Variants in KCNIP4 observed in about 807,000 individuals in gnomAD.
KCNIP4 encodes Kv channel-interacting protein 4.
In KCNIP4, 12 loss-of-function variants were observed where a neutral mutation model predicts 34.0. That is an observed-to-expected ratio of 0.35 (90% confidence interval 0.23 to 0.57). KCNIP4 has a LOEUF of 0.57. KCNIP4 is among the 20% of genes least tolerant of loss of function. The pLI is 0.83. For missense variants in KCNIP4, 238 were observed against 311.7 expected, an observed-to-expected ratio of 0.76 and a Z score of 1.78; for synonymous variants, 124 against 102.2, an observed-to-expected ratio of 1.21 and a Z score of -1.29.
intron 1 of KCNIP4, among the ~76,000 whole-genome samples, chr4:21,404,922 A>C (rs748283186): frequency 2.0e-5 from 3 of 152,148 alleles, no homozygotes; most frequent in Non-Finnish European, 4.4e-5. Context: ...GCTTGACCAA[A>C]CTTTAGTCAG....
intron 1 of KCNIP4, among the ~76,000 whole-genome samples, chr4:21,944,424 G>T (rs1022575356): frequency 3.3e-5 from 5 of 151,594 alleles, no homozygotes; most frequent in Admixed American, 6.6e-5. Flanking sequence ...GCATGGTGGC[G>T]GGTGCACCCG....
chr4:21,018,459 T>G (rs559099912), intron 1 of KCNIP4, among the ~76,000 whole-genome samples: 9 of 152,308 alleles, frequency 5.9e-5, no homozygotes, highest in South Asian at 4.1e-4. Flanking sequence ...CCTGAATGTT[T>G]GCACTAAGGC....
chr4:20,762,991 C>G (rs187181813), intron 3 of KCNIP4, among the ~76,000 whole-genome samples: 1 of 152,184 alleles, frequency 6.6e-6, no homozygotes, highest in Non-Finnish European at 1.5e-5. Context: ...GCAGGAGCCC[C>G]TTATAAAACC....
chr4:21,400,465 T>TTCCTC (rs71189700), intron 1 of KCNIP4, among the ~76,000 whole-genome samples: 36,057 of 118,572 alleles, frequency 0.3, 6,657 homozygotes, highest in Admixed American at 0.33. Flanking sequence ...TTTCTTTCTG[T>TTCCTC]TCCTCTCCTC....
chr4:20,991,243 T>C (rs1737056499), intron 1 of KCNIP4, among the ~76,000 whole-genome samples: 1 of 152,186 alleles, frequency 6.6e-6, no homozygotes, highest in Admixed American at 6.5e-5. Flanking sequence ...ACACAAGATT[T>C]AAAATGCGAA....
chr4:20,996,262 AC>A (rs1300859719), intron 1 of KCNIP4, among the ~76,000 whole-genome samples: 1 of 152,044 alleles, frequency 6.6e-6, no homozygotes, highest in Admixed American at 6.6e-5. Flanking sequence ...TCGCTCTCAC[AC>A]CCCTAAGGTC....
chr4:20,861,883 T>A (rs79528301), intron 2 of KCNIP4, among the ~76,000 whole-genome samples: 16,957 of 151,910 alleles, frequency 0.11, 1,286 homozygotes, highest in Non-Finnish European at 0.16. Context: ...GCTTAGATTT[T>A]AAAAAATAAT....
chr4:21,516,738 A>G (rs149607290), intron 1 of KCNIP4, among the ~76,000 whole-genome samples: 2 of 152,268 alleles, frequency 1.3e-5, no homozygotes, highest in East Asian at 3.9e-4. Context: ...ATGAAGTTGT[A>G]TCTGAGAAGA....
intron 1 of KCNIP4, among the ~76,000 whole-genome samples, chr4:21,225,159 T>A (rs909927495): frequency 6.6e-6 from 1 of 152,166 alleles, no homozygotes; most frequent in African/African-American, 2.4e-5. Flanking sequence ...AACCCTATTG[T>A]AAATTGAGGA....
At chr4:20,761,937 A>G (rs769418091) in intron 3 of KCNIP4, among the ~76,000 whole-genome samples, 2 of 152,168 alleles carry the variant, frequency 1.3e-5, no homozygotes, top group Non-Finnish European at 2.9e-5. Context: ...CTATTATTCC[A>G]GGAGTCTTCT....
intron 1 of KCNIP4, among the ~76,000 whole-genome samples, chr4:21,863,260 A>ATTGT (rs755082502): frequency 8.5e-5 from 12 of 141,742 alleles, no homozygotes; most frequent in Admixed American, 8.0e-4. Context: ...CACGGATTGA[A>ATTGT]TTTTTTTTTT....
intron 1 of KCNIP4, among the ~76,000 whole-genome samples, chr4:21,729,412 G>C (rs1195527350): frequency 1.3e-5 from 2 of 152,048 alleles, no homozygotes; most frequent in Non-Finnish European, 2.9e-5. Flanking sequence ...ACTAATCTAG[G>C]TAATATAATT....
chr4:21,606,592 G>A (rs1309139424), intron 1 of KCNIP4, among the ~76,000 whole-genome samples: 1 of 151,886 alleles, frequency 6.6e-6, no homozygotes, highest in Non-Finnish European at 1.5e-5. Context: ...TTGTTTGTTT[G>A]TTGTTTGTTG....
At chr4:21,814,528 C>T (rs936812127) in intron 1 of KCNIP4, among the ~76,000 whole-genome samples, 2 of 152,154 alleles carry the variant, frequency 1.3e-5, no homozygotes, top group African/African-American at 4.8e-5. Context: ...GAGGCCTCCC[C>T]AGCCATGTGA....
chr4:21,233,875 T>C (rs1158729126), intron 1 of KCNIP4, among the ~76,000 whole-genome samples: 1 of 135,114 alleles, frequency 7.4e-6, no homozygotes, highest in Non-Finnish European at 1.5e-5. Context: ...CTTTGAGATA[T>C]CCATAACTAA....
At chr4:21,109,548 G>T (rs4555634) in intron 1 of KCNIP4, among the ~76,000 whole-genome samples, 2 of 151,970 alleles carry the variant, frequency 1.3e-5, no homozygotes, top group African/African-American at 4.8e-5. Context: ...GACCCCTTGC[G>T]CTTCCCGAGT....
At chr4:21,194,889 A>G (rs1012282841) in intron 1 of KCNIP4, among the ~76,000 whole-genome samples, 2 of 152,202 alleles carry the variant, frequency 1.3e-5, no homozygotes, top group African/African-American at 4.8e-5. Context: ...TTTATTTGTT[A>G]GAGCAGCCAT....
At chr4:21,684,792 A>C (rs571194422) in intron 1 of KCNIP4, among the ~76,000 whole-genome samples, 9 of 152,182 alleles carry the variant, frequency 5.9e-5, no homozygotes, top group African/African-American at 2.2e-4. Context: ...TACATTAGGT[A>C]TATCTGCTAA....
intron 3 of KCNIP4, among the ~76,000 whole-genome samples, chr4:20,837,702 A>G: frequency 1.6e-5 from 2 of 127,004 alleles, no homozygotes; most frequent in South Asian, 2.4e-4. Context: ...TTTTCCTTGG[A>G]GATGGAGTCT....
Sources: gnomAD v4.1 joint callset for allele counts (sites outside exome capture counted in the v4.1 genomes callset) on GRCh38, gnomAD v4.1.1 for gene constraint, MANE v1.5 for transcripts, NCBI Gene and HGNC (gene_info 2026-07-23, HGNC 2026-07-21) for gene names.